The following PAK3 variants were observed in gnomAD, a reference collection of about 807,000 sequenced individuals.
PAK3 encodes p21 (RAC1) activated kinase 3, also known as serine/threonine-protein kinase PAK 3.
A neutral mutation model predicts 41.0 loss-of-function variants in PAK3; 4 were observed. That is an observed-to-expected ratio of 0.10 (90% CI 0.05 to 0.22). The LOEUF is 0.22. Ranked by LOEUF, PAK3 falls within the 10% of genes least tolerant of loss-of-function variation. PAK3 has a pLI of 1.00. For synonymous variants in PAK3, 146 were observed against 139.6 expected (o/e 1.05, Z -0.32); for missense variants, 205 against 409.9 (o/e 0.50, Z 4.32).
chrX:111,158,198 T>C (rs1268457734), intron 8 of PAK3, among the ~76,000 whole-genome samples: 1 of 112,108 alleles, frequency 8.9e-6, no homozygotes, highest in Non-Finnish European at 1.9e-5. Context: ...GCAGTGTTTA[T>C]GATAACATAG....
rs746971110 is a variant in PAK3, at chrX:111,192,114, T to C, written c.831-13T>C. ...TTGATTGCTTATTCTTTTGATAATTTTCACCTTCACAGGGCATCAGGTACT... is the reference window on the plus strand; with the variant it reads ...TTGATTGCTTATTCTTTTGATAATTCTCACCTTCACAGGGCATCAGGTACT... On this transcript the variant is annotated splice_polypyrimidine_tract_variant and intron_variant, in intron 11 of 17. Transcript: ENST00000372007. 6 of 1,035,281 alleles carry C rather than the reference T, an allele frequency of 5.8e-6. No individual in the cohort carries two copies. Among genetic ancestry groups the C allele is most frequent in the Admixed American group, 2.2e-5 (1 of 45,259 alleles). The allele number at this position is 1,035,281 out of a possible 1,213,427, so 85.3% of individuals were successfully genotyped here.
chrX:111,136,200 GT>G (rs757779470), intron 5 of PAK3, among the ~76,000 whole-genome samples: 1 of 112,013 alleles, frequency 8.9e-6, no homozygotes, highest in East Asian at 2.8e-4. Flanking sequence ...TTAGAGTGGA[GT>G]TCTGAATTTC....
intron 1 of PAK3, among the ~76,000 whole-genome samples, chrX:110,971,770 T>A (rs374959786): frequency 8.9e-6 from 1 of 112,124 alleles, no homozygotes; most frequent in African/African-American, 3.2e-5. Context: ...TCACTAAAAT[T>A]CACACCTATG....
rs1385730428 is a variant in PAK3 at position 111,216,540 on chromosome X, T to G, written c.1527T>G (p.Ser509=). The G allele has an allele frequency of 1.7e-6, 2 of 1,203,556 alleles. No homozygotes were observed. The highest frequency in any genetic ancestry group is 2.2e-5 in the Admixed American group (1 of 46,008). The change falls in exon 17 of 18, where the codon TCT becomes TCG. Residue 509 remains serine, a synonymous_variant. Transcript: ENST00000372007. ...CLEMDVDRRG[S]AKELLQHPFL... is the part of the protein sequence containing the mutation. ...AGATGGATGTGGATAGGCGAGGATC[T>G]GCCAAGGAGCTTTTGCAGGTGAAAA...
At chrX:111,036,766 C>A (rs2092403368) in intron 1 of PAK3, among the ~76,000 whole-genome samples, 1 of 111,230 alleles carries the variant, frequency 9.0e-6, no homozygotes, top group Admixed American at 9.5e-5. Context: ...TTTAGTCCCC[C>A]GATTAAAAAA....
chrX:110,967,047 T>G (rs2091095880), intron 1 of PAK3, among the ~76,000 whole-genome samples: 1 of 111,678 alleles, frequency 9.0e-6, no homozygotes, highest in Non-Finnish European at 1.9e-5. Context: ...CAGAGAGCTT[T>G]GAGGCACATG....
At chrX:110,993,110 A>G (rs2091679186) in intron 1 of PAK3, among the ~76,000 whole-genome samples, 2 of 111,945 alleles carry the variant, frequency 1.8e-5, no homozygotes, top group African/African-American at 6.5e-5. Flanking sequence ...TGCAATGATT[A>G]TATTCTAGGA....
At chrX:111,006,838 T>TTTC (rs2091934788) in intron 1 of PAK3, among the ~76,000 whole-genome samples, 1 of 15,709 alleles carries the variant, frequency 6.4e-5, no homozygotes, top group South Asian at 0.027. Context: ...TCTTTCTTTC[T>TTTC]TTCTTTCTTT....
chrX:111,111,805 G>T (rs144426378), intron 4 of PAK3, among the ~76,000 whole-genome samples: 1 of 111,651 alleles, frequency 9.0e-6, no homozygotes, highest in Non-Finnish European at 1.9e-5. Context: ...GGGCCTCTTG[G>T]CATAGAAATA....
rs1013735234 is a variant in PAK3 at position 111,220,362 on chromosome X, C to G, written c.1550C>G (p.Pro517Arg). 2 of 1,176,972 alleles carry G rather than the reference C, an allele frequency of 1.7e-6. No individual in the cohort carries two copies. Among genetic ancestry groups the G allele is most frequent in the African/African-American group, 1.8e-5 (1 of 56,399 alleles). Residue 517 changes from proline to arginine, a missense_variant, in exon 18 of 18, where the codon CCA becomes CGA. Pro to Arg is a moderately radical substitution (Grantham distance 103). This residue lies in a region of PAK3 where 40 missense variants were observed against 54.4 expected (regional missense o/e 0.74). Transcript: ENST00000372007. ...RGSAKELLQH[P>R]FLKLAKPLSS... ...TCTTTTTCCTTCCTTTTGCAGCATCCATTTTTAAAATTAGCCAAGCCTCTC... is the reference window on the plus strand; with the variant it reads ...TCTTTTTCCTTCCTTTTGCAGCATCGATTTTTAAAATTAGCCAAGCCTCTC...
intron 1 of PAK3, among the ~76,000 whole-genome samples, chrX:110,996,375 A>G (rs1180066192): frequency 8.9e-6 from 1 of 112,564 alleles, no homozygotes; most frequent in Non-Finnish European, 1.9e-5. Context: ...CCCAACCATT[A>G]TCAAACTTCA....
intron 1 of PAK3, among the ~76,000 whole-genome samples, chrX:111,013,618 T>C (rs1487702969): frequency 9.0e-6 from 1 of 111,373 alleles, no homozygotes; most frequent in East Asian, 2.8e-4. Context: ...CTAAAATAGT[T>C]ATTGCTCTGC....
chrX:111,093,893 T>A (rs1012942203), upstream of PAK3, among the ~76,000 whole-genome samples: 8 of 112,524 alleles, frequency 7.1e-5, no homozygotes, highest in Non-Finnish European at 1.5e-4. Flanking sequence ...AAGACCCAAG[T>A]TAAATCATTA....
At chrX:111,190,717 A>G (rs2094553119) in intron 11 of PAK3, among the ~76,000 whole-genome samples, 1 of 111,932 alleles carries the variant, frequency 8.9e-6, no homozygotes, top group Non-Finnish European at 1.9e-5. Flanking sequence ...AGGAGAAGGG[A>G]AAAGAATGAC....
chrX:110,992,556 G>A (rs2091668308), intron 1 of PAK3, among the ~76,000 whole-genome samples: 1 of 110,612 alleles, frequency 9.0e-6, no homozygotes, highest in South Asian at 4.1e-4. Context: ...GTAGACTGCA[G>A]AGAGTGGACT....
chrX:111,179,006 T>C (rs1469409250), intron 11 of PAK3, among the ~76,000 whole-genome samples: 1 of 100,698 alleles, frequency 9.9e-6, no homozygotes, highest in Admixed American at 1.1e-4. Flanking sequence ...TGTATATCTA[T>C]ATATCTATAT....
chrX:110,978,458 A>T (rs978997401), intron 1 of PAK3, among the ~76,000 whole-genome samples: 4 of 110,779 alleles, frequency 3.6e-5, no homozygotes, highest in Non-Finnish European at 5.7e-5. Context: ...TATTTTTCTT[A>T]TTTAACCTAT....
At chrX:111,112,141 A>T (rs186448592) in intron 4 of PAK3, among the ~76,000 whole-genome samples, 60 of 111,469 alleles carry the variant, frequency 5.4e-4, no homozygotes, top group Admixed American at 3.7e-3. Flanking sequence ...CTATCTCACC[A>T]CTTGAAACCT....
At chrX:111,095,824 G>A (rs1007158631), upstream of PAK3, among the ~76,000 whole-genome samples, 1 of 110,852 alleles carries the variant, frequency 9.0e-6, no homozygotes, top group African/African-American at 3.3e-5. Flanking sequence ...TACAGATTTC[G>A]TCCCCTGAAA....
Sources: gnomAD v4.1 joint callset for allele counts (sites outside exome capture counted in the v4.1 genomes callset) on GRCh38, gnomAD v4.1.1 for gene constraint, gnomAD v4.1.1 regional missense constraint, MANE v1.5 for transcripts, NCBI Gene and HGNC (gene_info 2026-07-23, HGNC 2026-07-21) for gene names.